The following GALNT15 variants were observed in gnomAD, a reference collection of about 807,000 sequenced individuals.
GALNT15 encodes the protein UDP-GalNAc transferase T15.
GALNT15 carries 67 observed loss-of-function variants against 66.8 expected under a neutral mutation model. The ratio of observed to expected loss-of-function variants is 1.00; its 90% confidence interval spans 0.82 to 1.23. The LOEUF is 1.23. GALNT15 is among the 50% of genes most tolerant of loss of function. The pLI, the probability that GALNT15 is intolerant of heterozygous loss-of-function variation, is 0.00. For missense variants in GALNT15, 827 were observed against 804.3 expected (o/e 1.03, Z -0.34); for synonymous variants, 313 against 311.5 (o/e 1.00, Z -0.05).
chr3:16,182,652 A>G lies in GALNT15; in HGVS notation c.539+6962A>G, dbSNP rs1026323089. ...TGGCCAAGTATTCTGTACATCTGTC[A>G]GCTCACCTCCTATTGTCTTGTCACT... On this transcript the variant is annotated intron_variant, in intron 1 of 9. Coordinates refer to ENST00000339732, the MANE Select transcript of GALNT15 (RefSeq NM_054110.5). This position sits in a 1 kb window ranked among gnomAD's most constrained non-coding sequence, Gnocchi z 6.1. The G allele has an allele frequency of 1.3e-5, 2 of 152,222 alleles. No individual in the cohort carries two copies. Among genetic ancestry groups the G allele is most frequent in the African/African-American group, 4.8e-5 (2 of 41,460 alleles). 9.4% of individuals were successfully genotyped at this position (152,222 alleles called of 1,614,324 possible).
intron 2 of GALNT15, among the ~76,000 whole-genome samples, chr3:16,198,514 A>G (rs2063663958): frequency 7.1e-6 from 1 of 141,670 alleles, no homozygotes; most frequent in Non-Finnish European, 1.6e-5. Context: ...GGGAGAATGA[A>G]TGGTGAGGAA....
rs1314712737 is a variant in GALNT15 at position 16,180,011 on chromosome 3, T to A, written c.539+4321T>A. 6.6e-6 allele frequency among the ~76,000 whole-genome samples: 1 copy of A among 152,176 alleles called. No individual in the cohort carries two copies. Among genetic ancestry groups the A allele is most frequent in the East Asian group, 1.9e-4 (1 of 5,194 alleles). On this transcript the variant is annotated intron_variant, in intron 1 of 9. Transcript: ENST00000339732. This position sits in a 1 kb window ranked among gnomAD's most constrained non-coding sequence, Gnocchi z 5.0. Reference sequence around the variant, plus strand: ...ATCCTGGTATCCAGTGCAGGGGCAATGGGTTCCTAGGATCAAAGAGGCTGC... The same window carrying A: ...ATCCTGGTATCCAGTGCAGGGGCAAAGGGTTCCTAGGATCAAAGAGGCTGC...
rs186338944 is a variant in GALNT15, at chr3:16,216,965, A to C, written c.1393-2438A>C. Among the ~76,000 whole-genome samples the C allele has an allele frequency of 4.3e-3, 656 of 152,318 alleles. 5 individuals are homozygous for C. Among genetic ancestry groups the C allele is most frequent in the African/African-American group, 0.014 (585 of 41,564 alleles). ...CAGCTGCAACTAATTATTATTTTAG[A>C]GAGACAGTTAACAGCTGCCTAACCA... On this transcript the variant is annotated intron_variant, in intron 6 of 9. Coordinates refer to ENST00000339732, the MANE Select transcript of GALNT15 (RefSeq NM_054110.5).
Position 16,203,724 on chromosome 3 carries a change from C to G in GALNT15, c.911+2901C>G, listed in dbSNP as rs1276565333. ...TTGTCCACTGTGTTTTCTCTGGGCC[C>G]TAGTGTCCAGCTTTTAGGCACTGGC... On this transcript the variant is annotated intron_variant, in intron 3 of 9. Transcript: ENST00000339732. The surrounding 1 kb of genome is among the most constrained non-coding windows in gnomAD (Gnocchi z 6.2). 6.6e-6 allele frequency among the ~76,000 whole-genome samples: 1 copy of G among 152,050 alleles called. No individual in the cohort carries two copies.
At chr3:16,232,662 G>A (rs777733481), downstream of GALNT15, among the ~76,000 whole-genome samples, 3 of 150,726 alleles carry the variant, frequency 2.0e-5, no homozygotes, top group Non-Finnish European at 4.4e-5. Context: ...AGAGGCAAAG[G>A]TGGGACAGAG....
In GALNT15 at chr3:16,184,644, T is replaced by C. The variant is rs1559676124; in HGVS notation, c.539+8954T>C. 6.6e-6 allele frequency among the ~76,000 whole-genome samples: 1 copy of C among 152,236 alleles called. No individual in the cohort carries two copies. The highest frequency in any genetic ancestry group is 1.5e-5 in the Non-Finnish European group (1 of 68,038). Reference sequence around the variant, plus strand: ...AACTCCATGCTATTAGGGGCTATCTTAGTTTAGGTTTCCCCTAAAGAAGAT... The same window carrying C: ...AACTCCATGCTATTAGGGGCTATCTCAGTTTAGGTTTCCCCTAAAGAAGAT... On this transcript the variant is annotated intron_variant, in intron 1 of 9. Transcript: ENST00000339732. The surrounding 1 kb of genome is among the most constrained non-coding windows in gnomAD (Gnocchi z 5.0).
At position 16,193,425 on chromosome 3, in the gene GALNT15, G is replaced by A. The variant is rs2124857530; in HGVS notation, c.540-2335G>A. On this transcript the variant is annotated intron_variant, in intron 1 of 9. Transcript: ENST00000339732. The surrounding 1 kb of genome is among the most constrained non-coding windows in gnomAD (Gnocchi z 4.7). ...GTATTGTGTGTATTTTTTTGTGAGT[G>A]GCTTCAAATCATTTATGGAAATAAA... 6.6e-6 allele frequency among the ~76,000 whole-genome samples: 1 copy of A among 151,916 alleles called. No homozygotes were observed. The highest frequency in any genetic ancestry group is 6.6e-5 in the Admixed American group (1 of 15,254).
At chr3:16,239,752 C>T in the GALNT15 span, among the ~76,000 whole-genome samples, 1 of 152,142 alleles carries the variant, frequency 6.6e-6, no homozygotes, top group Non-Finnish European at 1.5e-5. This position sits in a 1 kb window ranked among gnomAD's most constrained non-coding sequence, Gnocchi z 5.2. Flanking sequence ...TACTTGCTTT[C>T]TAAAAGAAAC....
chr3:16,240,507 A>T, the GALNT15 span, among the ~76,000 whole-genome samples: 1 of 152,238 alleles, frequency 6.6e-6, no homozygotes, highest in African/African-American at 2.4e-5. Flanking sequence ...ATTTCCAGGA[A>T]GGCAATCAAG....
the GALNT15 span, among the ~76,000 whole-genome samples, chr3:16,237,950 C>G: frequency 6.6e-6 from 1 of 152,228 alleles, no homozygotes; most frequent in Non-Finnish European, 1.5e-5. The surrounding 1 kb of genome is among the most constrained non-coding windows in gnomAD (Gnocchi z 4.2). Context: ...CTCACCTAAT[C>G]TCTCTATCCA....
At position 16,218,810 on chromosome 3, in the gene GALNT15, C is replaced by CTTT. The variant is rs10538222; in HGVS notation, c.1393-573_1393-571dup. On this transcript the variant is annotated intron_variant, in intron 6 of 9. Coordinates refer to ENST00000339732, the MANE Select transcript of GALNT15 (RefSeq NM_054110.5). The stretch of plus-strand genomic sequence containing the variant: ...GATATCATAGACTCTCTCTCTCTCT[C>CTTT]TTTTTTTTTTTTTTTTTTTTTTGCG... Among the ~76,000 whole-genome samples the CTTT allele has an allele frequency of 6.6e-3, 612 of 92,894 alleles. 20 individuals are homozygous for CTTT. The highest frequency in any genetic ancestry group is 0.012 in the African/African-American group (274 of 22,292). 60.9% of individuals were successfully genotyped at this position (92,894 alleles called of 152,430 possible).
chr3:16,198,664 A>G (rs1475847105), intron 2 of GALNT15, among the ~76,000 whole-genome samples: 1 of 143,008 alleles, frequency 7.0e-6, no homozygotes, highest in Non-Finnish European at 1.6e-5. Flanking sequence ...TCTTACCAGA[A>G]AAATAATTAT....
intron 1 of GALNT15, among the ~76,000 whole-genome samples, chr3:16,185,632 G>A (rs2063508652): frequency 6.6e-6 from 1 of 152,192 alleles, no homozygotes; most frequent in African/African-American, 2.4e-5. Flanking sequence ...AGTGCAGAAT[G>A]TGTGGAGGAA....
At chr3:16,239,050 G>T in the GALNT15 span, among the ~76,000 whole-genome samples, 3 of 152,148 alleles carry the variant, frequency 2.0e-5, no homozygotes, top group African/African-American at 7.2e-5. This position sits in a 1 kb window ranked among gnomAD's most constrained non-coding sequence, Gnocchi z 5.2. Context: ...GCACAAGATG[G>T]TCACCACAAC....
intron 6 of GALNT15, among the ~76,000 whole-genome samples, chr3:16,217,378 C>G (rs912267052): frequency 5.3e-5 from 8 of 152,170 alleles, no homozygotes; most frequent in Non-Finnish European, 1.0e-4. Flanking sequence ...TTTTATTTCT[C>G]TCTCTGTTGA....
At chr3:16,190,174 T>C (rs1428941748) in intron 1 of GALNT15, among the ~76,000 whole-genome samples, 1 of 152,186 alleles carries the variant, frequency 6.6e-6, no homozygotes, top group Non-Finnish European at 1.5e-5. Flanking sequence ...CATTTGCCCA[T>C]ACCTGCATGA....
Position 16,175,665 on chromosome 3 carries a change from G to T in GALNT15, c.514G>T (p.Ala172Ser), listed in dbSNP as rs1170498371. Residue 172 changes from alanine to serine, a missense_variant, in exon 1 of 10, where the codon GCT becomes TCT. Physicochemically the swap from Ala to Ser is moderately conservative, Grantham distance 99 (BLOSUM62 1). Transcript: ENST00000339732. The surrounding 1 kb of genome is among the most constrained non-coding windows in gnomAD (Gnocchi z 5.6). ...ALSARIPLQR[A>S]LPEVRHPLCL... is the part of the protein sequence containing the mutation. ...CAGTGCCCGCATCCCCCTCCAGAGG[G>T]CTCTGCCCGAGGTGCGGCACCCACT... 6.9e-6 allele frequency: 11 copies of T among 1,602,862 alleles called. No individual in the cohort carries two copies. The highest frequency in any genetic ancestry group is 1.3e-5 in the African/African-American group (1 of 74,644).
rs2063731741 is a variant in GALNT15 at position 16,204,070 on chromosome 3, G to A, written c.911+3247G>A. On this transcript the variant is annotated intron_variant, in intron 3 of 9. Transcript: ENST00000339732. The surrounding 1 kb of genome is among the most constrained non-coding windows in gnomAD (Gnocchi z 4.5). ...GCTCTTATAAAAAAAAAAAAGTGGG[G>A]TGGGAGTGGTGAGTGAACAGTGCAG... Among the ~76,000 whole-genome samples the A allele has an allele frequency of 6.6e-6, 1 of 152,048 alleles. No individual in the cohort carries two copies. Among genetic ancestry groups the A allele is most frequent in the Non-Finnish European group, 1.5e-5 (1 of 68,002 alleles).
Position 16,191,187 on chromosome 3 carries a change from A to G in GALNT15, c.540-4573A>G, listed in dbSNP as rs552065169. 6.6e-6 allele frequency among the ~76,000 whole-genome samples: 1 copy of G among 152,324 alleles called. No individual in the cohort carries two copies. Among genetic ancestry groups the G allele is most frequent in the South Asian group, 2.1e-4 (1 of 4,824 alleles). On this transcript the variant is annotated intron_variant, in intron 1 of 9. Coordinates refer to ENST00000339732, the MANE Select transcript of GALNT15 (RefSeq NM_054110.5). This position sits in a 1 kb window ranked among gnomAD's most constrained non-coding sequence, Gnocchi z 5.2. ...ATAAAACCCCAAAATTCCTGGAGCA[A>G]GGGGAGTCTATGAAATTCTCTTTGA...
Sources: allele counts gnomAD v4.1 joint callset (sites outside exome capture counted in the v4.1 genomes callset), GRCh38; gene constraint gnomAD v4.1.1; non-coding constraint Gnocchi (gnomAD v3.1); transcripts MANE v1.5; gene names NCBI Gene and HGNC (gene_info 2026-07-23, HGNC 2026-07-21).